MED27: variants seen among roughly 807,000 people sequenced by gnomAD.
The protein encoded by MED27 is mediator complex subunit 27, also known as mediator of RNA polymerase II transcription subunit 27.
A neutral mutation model predicts 38.2 loss-of-function variants in MED27; 30 were observed. The ratio of observed to expected loss-of-function variants is 0.79; its 90% CI spans 0.59 to 1.07. MED27 has a LOEUF of 1.07. Among genes scored for constraint, MED27 ranks in the 50% least tolerant of loss-of-function variants. MED27 has a pLI of 0.00. For missense variants in MED27, 289 were observed against 397.5 expected (o/e 0.73, Z 2.32); for synonymous variants, 122 against 153.5 (o/e 0.79, Z 1.52).
intron 3 of MED27, among the ~76,000 whole-genome samples, chr9:132,013,074 C>T (rs1246167026): frequency 6.6e-6 from 1 of 152,152 alleles, no homozygotes; most frequent in Admixed American, 6.5e-5. Flanking sequence ...GGGCATCTGG[C>T]CCTCCCAGAG....
chr9:131,905,513 C>G (rs1310038026), intron 4 of MED27, among the ~76,000 whole-genome samples: 2 of 152,080 alleles, frequency 1.3e-5, no homozygotes, highest in Non-Finnish European at 2.9e-5. Context: ...AAGGCTCTGC[C>G]TCATACTGCT....
At chr9:131,868,671 A>C in intron 6 of MED27, 1 of 985,482 alleles carries the variant, frequency 1.0e-6, no homozygotes, top group Non-Finnish European at 1.2e-6. Flanking sequence ...TGGGAGCCCG[A>C]ACACTGGGAG....
At chr9:132,065,138 C>G (rs936152623) in intron 2 of MED27, among the ~76,000 whole-genome samples, 1 of 152,216 alleles carries the variant, frequency 6.6e-6, no homozygotes, top group African/African-American at 2.4e-5. Flanking sequence ...ACACTGGTAG[C>G]AAGTGCGACC....
chr9:131,884,024 G>A (rs1444715009), intron 6 of MED27, 34 bp downstream of exon 6: 2 of 1,590,476 alleles, frequency 1.3e-6, no homozygotes, highest in Non-Finnish European at 1.7e-6. Flanking sequence ...TTTTCCTAAT[G>A]CCGCTTGAGT....
intron 2 of MED27, among the ~76,000 whole-genome samples, chr9:132,040,695 C>T (rs1231063639): frequency 2.0e-5 from 3 of 152,224 alleles, no homozygotes; most frequent in Admixed American, 6.5e-5. Context: ...CTCAAGGTGA[C>T]AAAGTGCTCG....
At chr9:131,963,880 C>T (rs1327597137) in intron 3 of MED27, among the ~76,000 whole-genome samples, 3 of 152,146 alleles carry the variant, frequency 2.0e-5, no homozygotes, top group Non-Finnish European at 4.4e-5. Context: ...GGGTCTTTGA[C>T]AGTATGGGAA....
intron 4 of MED27, among the ~76,000 whole-genome samples, chr9:131,920,814 T>C (rs58387279): frequency 6.6e-6 from 1 of 151,702 alleles, no homozygotes; most frequent in Non-Finnish European, 1.5e-5. Flanking sequence ...GGGCAGATGA[T>C]GGGCTGTCAC....
intron 5 of MED27, among the ~76,000 whole-genome samples, chr9:131,887,794 C>A (rs1839165526): frequency 1.3e-5 from 2 of 152,168 alleles, no homozygotes; most frequent in South Asian, 4.1e-4. Flanking sequence ...TCTGAGCAAG[C>A]ATAAGAAAGA....
chr9:132,013,456 C>G (rs943500460), intron 3 of MED27, among the ~76,000 whole-genome samples: 1 of 152,134 alleles, frequency 6.6e-6, no homozygotes, highest in South Asian at 2.1e-4. Flanking sequence ...AGGAGGAACC[C>G]TTATGGGATT....
chr9:131,899,487 G>C (rs1262113020), intron 4 of MED27, among the ~76,000 whole-genome samples: 1 of 152,172 alleles, frequency 6.6e-6, no homozygotes, highest in Non-Finnish European at 1.5e-5. Context: ...TCCACTTGCA[G>C]GCAGTGTGAC....
chr9:132,077,862 T>G (rs766443342), intron 1 of MED27, among the ~76,000 whole-genome samples: 1 of 151,970 alleles, frequency 6.6e-6, no homozygotes, highest in Non-Finnish European at 1.5e-5. Context: ...AATCAGAAAT[T>G]AACAACTCAA....
At chr9:131,989,201 A>G (rs1831918504) in intron 3 of MED27, among the ~76,000 whole-genome samples, 1 of 152,222 alleles carries the variant, frequency 6.6e-6, no homozygotes, top group Non-Finnish European at 1.5e-5. Context: ...GGATTATAGC[A>G]TTATATAAGT....
intron 4 of MED27, among the ~76,000 whole-genome samples, chr9:131,932,504 TGGAAAACCTCGA>T (rs547404755): frequency 6.6e-6 from 1 of 151,996 alleles, no homozygotes; most frequent in South Asian, 2.1e-4. Flanking sequence ...GCCAATACAT[TGGAAAACCTCGA>T]GGAAACGGAT....
intron 6 of MED27, among the ~76,000 whole-genome samples, chr9:131,879,443 A>G (rs1440426037): frequency 6.6e-6 from 1 of 152,138 alleles, no homozygotes; most frequent in Non-Finnish European, 1.5e-5. Flanking sequence ...GGCCTAGGAG[A>G]GGGAGCTCTG....
At chr9:131,899,011 G>A (rs537374153) in intron 4 of MED27, among the ~76,000 whole-genome samples, 15 of 152,322 alleles carry the variant, frequency 9.8e-5, no homozygotes, top group African/African-American at 3.4e-4. Flanking sequence ...ACATCTAAAT[G>A]GAGATAATGG....
At position 131,930,387 on chromosome 9, in the gene MED27, T is replaced by G. The variant is rs552896006; in HGVS notation, c.573+8994A>C. ...AGCAACAGAAAAGAAACAAATAACA[T>G]AGAGTGGAGCTCCAGTCCATCTGGC... On this transcript the variant is annotated intron_variant, in intron 4 of 7. Coordinates refer to ENST00000292035, the MANE Select transcript of MED27 (RefSeq NM_004269.4). 3.3e-5 allele frequency among the ~76,000 whole-genome samples: 5 copies of G among 152,120 alleles called. No individual in the cohort carries two copies. In the South Asian group the frequency reaches 6.2e-4, roughly 19 times the overall value.
At chr9:132,065,718 G>A (rs969067183) in intron 2 of MED27, among the ~76,000 whole-genome samples, 1 of 152,200 alleles carries the variant, frequency 6.6e-6, no homozygotes, top group Non-Finnish European at 1.5e-5. Context: ...GGCCCCATAT[G>A]GCTGTCTGTG....
chr9:132,077,420 C>G, intron 2 of MED27, 22 bp downstream of exon 2: 1 of 1,606,528 alleles, frequency 6.2e-7, no homozygotes, highest in South Asian at 1.1e-5. Context: ...TATATTAGCT[C>G]CGTTTATTAC....
intron 2 of MED27, among the ~76,000 whole-genome samples, chr9:132,019,125 G>T (rs1364083872): frequency 6.6e-6 from 1 of 152,110 alleles, no homozygotes; most frequent in Non-Finnish European, 1.5e-5. Context: ...TGGGAAAAAC[G>T]CCCAGAAAAG....
Sources: allele counts gnomAD v4.1 joint callset (sites outside exome capture counted in the v4.1 genomes callset), GRCh38; gene constraint gnomAD v4.1.1; transcripts MANE v1.5; gene names NCBI Gene and HGNC (gene_info 2026-07-23, HGNC 2026-07-21).